The following CACNA2D1 variants were observed in gnomAD, a reference collection of about 807,000 sequenced individuals.
The protein encoded by CACNA2D1 is calcium voltage-gated channel auxiliary subunit alpha2delta 1.
Under a neutral mutation model 171.5 loss-of-function variants are expected in CACNA2D1, and 53 were observed. The observed-to-expected ratio is 0.31, with a 90% CI of 0.25 to 0.39. CACNA2D1 has a LOEUF of 0.39. Ranked by LOEUF, CACNA2D1 falls within the 10% of genes least tolerant of loss-of-function variation. The probability of loss-of-function intolerance (pLI) is 1.00; values close to 1 mark genes in which losing one functional copy is unlikely to be tolerated. For missense variants in CACNA2D1, 903 were observed against 1,299.8 expected, an observed-to-expected ratio of 0.69 and a Z score of 4.69; for synonymous variants, 442 against 443.1, an observed-to-expected ratio of 1.00 and a Z score of 0.03.
chr7:82,023,864 G>A (rs897584059), intron 12 of CACNA2D1: 10 of 151,518 alleles, frequency 6.6e-5, no homozygotes, highest in African/African-American at 1.7e-4. Context: ...TTCACTCTTC[G>A]AATCTATGAA....
intron 1 of CACNA2D1, among the ~76,000 whole-genome samples, chr7:82,408,131 G>C (rs1827259127): frequency 6.7e-6 from 1 of 149,256 alleles, no homozygotes; most frequent in Non-Finnish European, 1.5e-5. Context: ...AGCAATTCTT[G>C]TGCCTCAGCC....
intron 12 of CACNA2D1, among the ~76,000 whole-genome samples, chr7:82,030,323 TA>T (rs1562893791): frequency 1.3e-5 from 2 of 150,460 alleles, no homozygotes; most frequent in Non-Finnish European, 1.5e-5. Flanking sequence ...TTTGTGTGTT[TA>T]AAAAAAAGAA....
chr7:82,064,339 A>G lies in CACNA2D1; in HGVS notation c.744T>C (p.Ala248=). Residue 248 remains alanine (A), a synonymous_variant, in exon 9 of 39, where the codon GCT becomes GCC. Coordinates refer to ENST00000356860, the MANE Select transcript of CACNA2D1 (RefSeq NM_000722.4). Reference sequence around the variant, plus strand: ...GAATAAGCATGTCTTTAGGAGATGCAGCTCCTTGGATGTACCTGAAACAAA... The same window carrying G: ...GAATAAGCATGTCTTTAGGAGATGCGGCTCCTTGGATGTACCTGAAACAAA... ...VRRRPWYIQG[A]ASPKDMLILV... 6.2e-7 allele frequency: 1 copy of G among 1,604,816 alleles called. No homozygotes were observed. Among genetic ancestry groups the G allele is most frequent in the Non-Finnish European group, 8.5e-7 (1 of 1,172,268 alleles).
chr7:82,163,414 T>C (rs1299855788), intron 4 of CACNA2D1, among the ~76,000 whole-genome samples: 1 of 152,072 alleles, frequency 6.6e-6, no homozygotes, highest in Non-Finnish European at 1.5e-5. Flanking sequence ...TGTCTTTTCA[T>C]GCATTCAGTT....
intron 10 of CACNA2D1, among the ~76,000 whole-genome samples, chr7:82,056,573 C>A (rs1426005049): frequency 6.6e-6 from 1 of 152,010 alleles, no homozygotes; most frequent in Admixed American, 6.6e-5. Flanking sequence ...ACACATGGGC[C>A]TAAAAGCTCC....
At chr7:82,179,217 T>A (rs548641079) in intron 3 of CACNA2D1, among the ~76,000 whole-genome samples, 24 of 152,118 alleles carry the variant, frequency 1.6e-4, no homozygotes, top group East Asian at 5.8e-4. Flanking sequence ...GAATTTTAGA[T>A]TCTAAAATTC....
intron 3 of CACNA2D1, among the ~76,000 whole-genome samples, chr7:82,316,260 T>C (rs1815108498): frequency 6.6e-6 from 1 of 152,178 alleles, no homozygotes; most frequent in South Asian, 2.1e-4. Context: ...AGGACAGAAG[T>C]GTTCCTGAAG....
At chr7:82,360,972 A>T (rs907655351) in intron 1 of CACNA2D1, among the ~76,000 whole-genome samples, 13 of 152,168 alleles carry the variant, frequency 8.5e-5, no homozygotes, top group Non-Finnish European at 1.8e-4. Context: ...CAACTTTTTT[A>T]TTTTTTTAAC....
intron 3 of CACNA2D1, among the ~76,000 whole-genome samples, chr7:82,326,690 A>G (rs200219251): frequency 9.1e-6 from 1 of 110,246 alleles, no homozygotes; most frequent in East Asian, 2.3e-4. Flanking sequence ...CAGAACACTT[A>G]ACTTCTTAAA....
At chr7:82,398,046 G>A (rs1229270869) in intron 1 of CACNA2D1, among the ~76,000 whole-genome samples, 1 of 152,190 alleles carries the variant, frequency 6.6e-6, no homozygotes, top group Non-Finnish European at 1.5e-5. Context: ...AGGCTTCATA[G>A]ACAGGCTATG....
At chr7:82,299,990 T>C (rs1370870501) in intron 3 of CACNA2D1, among the ~76,000 whole-genome samples, 1 of 152,148 alleles carries the variant, frequency 6.6e-6, no homozygotes, top group Non-Finnish European at 1.5e-5. Context: ...TTTTACCAGT[T>C]AGGAGACAAT....
At chr7:82,262,439 G>A (rs1416128078) in intron 3 of CACNA2D1, among the ~76,000 whole-genome samples, 2 of 152,092 alleles carry the variant, frequency 1.3e-5, no homozygotes, top group East Asian at 3.9e-4. Flanking sequence ...TTTGGTCACT[G>A]GCTCCAGATA....
chr7:81,956,527 A>G (rs1375336942), intron 38 of CACNA2D1, among the ~76,000 whole-genome samples: 1 of 152,122 alleles, frequency 6.6e-6, no homozygotes, highest in African/African-American at 2.4e-5. Flanking sequence ...ATAATTGCCT[A>G]TATATCAATT....
At chr7:82,100,353 C>T (rs1584747646) in intron 6 of CACNA2D1, among the ~76,000 whole-genome samples, 1 of 151,898 alleles carries the variant, frequency 6.6e-6, no homozygotes, top group Non-Finnish European at 1.5e-5. Context: ...TATTTTAAAT[C>T]AAAAATCAAA....
chr7:82,087,049 C>A (rs1003874637), intron 6 of CACNA2D1, among the ~76,000 whole-genome samples: 2 of 152,004 alleles, frequency 1.3e-5, no homozygotes, highest in South Asian at 2.1e-4. Context: ...TACAAATGAG[C>A]AAATCATATA....
intron 24 of CACNA2D1, among the ~76,000 whole-genome samples, chr7:81,979,428 T>C (rs1796215565): frequency 6.6e-6 from 1 of 152,288 alleles, no homozygotes; most frequent in Admixed American, 6.5e-5. Context: ...TATCTTTCTC[T>C]ATGTATCTGG....
At chr7:82,348,966 A>G (rs1452298070) in intron 2 of CACNA2D1, among the ~76,000 whole-genome samples, 1 of 152,142 alleles carries the variant, frequency 6.6e-6, no homozygotes, top group African/African-American at 2.4e-5. Context: ...GATGCCATAC[A>G]AATATTTATA....
intron 3 of CACNA2D1, among the ~76,000 whole-genome samples, chr7:82,308,101 A>G (rs1184703687): frequency 6.6e-6 from 1 of 152,174 alleles, no homozygotes; most frequent in Non-Finnish European, 1.5e-5. Flanking sequence ...TTGCTTAAAG[A>G]AAAAACTAAA....
chr7:81,996,122 G>A (rs1378494240), intron 19 of CACNA2D1, among the ~76,000 whole-genome samples: 1 of 152,044 alleles, frequency 6.6e-6, no homozygotes, highest in East Asian at 1.9e-4. Context: ...CATGAACCAG[G>A]CCTTTTGCTA....
Sources: allele counts gnomAD v4.1 joint callset (sites outside exome capture counted in the v4.1 genomes callset), GRCh38; gene constraint gnomAD v4.1.1; transcripts MANE v1.5; gene names NCBI Gene and HGNC (gene_info 2026-07-23, HGNC 2026-07-21).